Variants in WASHC2C observed in about 807,000 individuals in gnomAD.
WASHC2C encodes the protein WASH complex subunit 2C, also known as Vaccinia Penetration Factor.
In WASHC2C, 73 loss-of-function variants were observed where a neutral mutation model predicts 142.2. The ratio of observed to expected loss-of-function variants is 0.51; its 90% confidence interval spans 0.43 to 0.62. WASHC2C has a LOEUF of 0.62. WASHC2C is among the 20% of genes least tolerant of loss of function. WASHC2C has a pLI of 0.00. For synonymous variants in WASHC2C, 337 were observed against 565.5 expected, an observed-to-expected ratio of 0.60 and a Z score of 5.73; for missense variants, 969 against 1,531.7, an observed-to-expected ratio of 0.63 and a Z score of 6.13.
At chr10:45,784,311 T>TATATAC (rs200659699) in intron 23 of WASHC2C, among the ~76,000 whole-genome samples, 846 of 58,002 alleles carry the variant, frequency 0.015, 18 homozygotes, top group Middle Eastern at 0.033. Flanking sequence ...TATATATATA[T>TATATAC]ACACACACAT....
intron 21 of WASHC2C, among the ~76,000 whole-genome samples, chr10:45,774,253 G>A (rs1425873798): frequency 2.5e-4 from 3 of 12,186 alleles, no homozygotes; most frequent in African/African-American, 1.0e-3. Flanking sequence ...CAGGCTCCCT[G>A]CTGCTGCTTC....
At chr10:45,766,791 A>G (rs1421116483) in intron 19 of WASHC2C, among the ~76,000 whole-genome samples, 1 of 151,934 alleles carries the variant, frequency 6.6e-6, no homozygotes. Context: ...AAGACTTTAA[A>G]TATGATGATA....
rs1368013466 is a variant in WASHC2C at position 45,784,242 on chromosome 10, GTGTGTGTGTGTA to G, written c.2479-321_2479-310del. ...AAAGCTTGTGCATATATATATATATGTGTGTGTGTGTATATATATATATATATATATATATAT... is the reference window on the plus strand; with the variant it reads ...AAAGCTTGTGCATATATATATATATGTATATATATATATATATATATATAT... On this transcript the variant is annotated intron_variant, in intron 23 of 30. Coordinates refer to ENST00000623400, the MANE Select transcript of WASHC2C (RefSeq NM_001330074.2). Among the ~76,000 whole-genome samples, 278 of 38,092 alleles carry G rather than the reference GTGTGTGTGTGTA, an allele frequency of 7.3e-3. 8 individuals carry two copies. The highest frequency in any genetic ancestry group is 0.021 in the African/African-American group (265 of 12,598). 25.0% of individuals were successfully genotyped at this position (38,092 alleles called of 152,430 possible). A position where few individuals can be genotyped will look rare whatever the true frequency, so the allele number is the denominator to read the frequency against.
intron 8 of WASHC2C, among the ~76,000 whole-genome samples, chr10:45,749,614 C>T (rs2053282793): frequency 6.6e-6 from 1 of 151,008 alleles, no homozygotes; most frequent in Admixed American, 6.6e-5. Flanking sequence ...CACCTGAAGT[C>T]AGGAGTTCAA....
intron 4 of WASHC2C, among the ~76,000 whole-genome samples, chr10:45,738,950 G>A (rs187944881): frequency 1.7e-3 from 263 of 152,172 alleles, no homozygotes; most frequent in Non-Finnish European, 1.2e-3. Flanking sequence ...CAAATGATCC[G>A]CCAGCCTTGG....
Position 45,784,236 on chromosome 10 carries a change from ATATATGTGTG to A in WASHC2C, c.2479-327_2479-318del, listed in dbSNP as rs1554888813. 5.7e-5 allele frequency among the ~76,000 whole-genome samples: 4 copies of A among 69,750 alleles called. No individual in the cohort carries two copies. The East Asian group carries it at 3.2e-3, about 55-fold the overall frequency. The allele number at this position is 69,750 out of a possible 152,430, so 45.8% of individuals were successfully genotyped here. A position where few individuals can be genotyped will look rare whatever the true frequency, so the allele number is the denominator to read the frequency against. On this transcript the variant is annotated intron_variant, in intron 23 of 30. Coordinates refer to ENST00000623400, the MANE Select transcript of WASHC2C (RefSeq NM_001330074.2). ...ATCTCTAAAGCTTGTGCATATATAT[ATATATGTGTG>A]TGTGTGTATATATATATATATATAT...
chr10:45,733,801 T>G (rs1554863316), intron 3 of WASHC2C, among the ~76,000 whole-genome samples: 1 of 152,134 alleles, frequency 6.6e-6, no homozygotes, highest in Non-Finnish European at 1.5e-5. Context: ...TAATCCCTGA[T>G]CTTTATAGAG....
intron 4 of WASHC2C, 52 bp downstream of exon 4, chr10:45,738,097 T>G: frequency 6.2e-7 from 1 of 1,611,508 alleles, no homozygotes; most frequent in Non-Finnish European, 8.5e-7. Flanking sequence ...AAAAGTGTGG[T>G]GGAGATCGAT....
At chr10:45,741,280 C>T (rs2052013285) in intron 5 of WASHC2C, among the ~76,000 whole-genome samples, 1 of 152,132 alleles carries the variant, frequency 6.6e-6, no homozygotes, top group African/African-American at 2.4e-5. Flanking sequence ...TGTAGCTGCA[C>T]ATTTCTCTTC....
chr10:45,771,592 G>T, intron 20 of WASHC2C: 2 of 976,974 alleles, frequency 2.0e-6, no homozygotes, highest in South Asian at 4.8e-5. Flanking sequence ...GTGGGTCCTG[G>T]TTCCAGCCAC....
intron 8 of WASHC2C, among the ~76,000 whole-genome samples, chr10:45,748,915 C>A (rs1390427055): frequency 6.6e-6 from 1 of 152,154 alleles, no homozygotes; most frequent in East Asian, 1.9e-4. Context: ...AAGTCTGTTT[C>A]TTTGCTTTTA....
intron 16 of WASHC2C, among the ~76,000 whole-genome samples, chr10:45,758,417 C>G (rs571245655): frequency 6.6e-6 from 1 of 152,236 alleles, no homozygotes; most frequent in African/African-American, 2.4e-5. Context: ...CACTGATGAT[C>G]TTTTCTTGAC....
chr10:45,742,203 T>G (rs1250080214), intron 5 of WASHC2C, among the ~76,000 whole-genome samples: 6 of 151,918 alleles, frequency 3.9e-5, no homozygotes, highest in African/African-American at 1.5e-4. Flanking sequence ...CTGCCCTCAC[T>G]CTGTTTTCTC....
At chr10:45,779,955 A>C (rs1329191811) in intron 23 of WASHC2C, among the ~76,000 whole-genome samples, 1 of 151,056 alleles carries the variant, frequency 6.6e-6, no homozygotes, top group Non-Finnish European at 1.5e-5. Context: ...ACTGCACTCC[A>C]GTGTGGCAAC....
intron 20 of WASHC2C, among the ~76,000 whole-genome samples, chr10:45,770,857 C>A (rs1487105010): frequency 2.6e-5 from 4 of 152,168 alleles, no homozygotes; most frequent in South Asian, 2.1e-4. Context: ...ATAAAAACAG[C>A]ATTTCTCTCA....
chr10:45,775,915 C>T (rs2057037297), intron 21 of WASHC2C, among the ~76,000 whole-genome samples: 1 of 151,956 alleles, frequency 6.6e-6, no homozygotes, highest in South Asian at 2.1e-4. Flanking sequence ...CTCCTGATCT[C>T]ATGATCCGCC....
At chr10:45,754,589 G>GT (rs782088014) in intron 14 of WASHC2C, 44 bp downstream of exon 14, 12 of 1,495,848 alleles carry the variant, frequency 8.0e-6, no homozygotes, top group South Asian at 2.5e-5. Context: ...CACAAATACT[G>GT]TTTTTTGCAT....
At chr10:45,788,111 T>C (rs1430476468) in intron 28 of WASHC2C, among the ~76,000 whole-genome samples, 1 of 151,318 alleles carries the variant, frequency 6.6e-6, no homozygotes, top group Admixed American at 6.6e-5. Context: ...TTTCATTGGC[T>C]TTTTTTTTAT....
rs2057913996 is a variant in WASHC2C at position 45,784,890 on chromosome 10, T to A, written c.2677T>A (p.Ser893Thr). The change falls in exon 25 of 31, where the codon TCC (serine) becomes ACC (threonine). Residue 893 changes from serine (S) to threonine (T), a missense_variant. By Grantham distance (58) the Ser-to-Thr change is moderately conservative. Coordinates refer to ENST00000623400, the MANE Select transcript of WASHC2C (RefSeq NM_001330074.2). Reference sequence around the variant, plus strand: ...TGATGATCTTTTCAGCTCTGCCAAGTCCCAGCCTTTGGTACCAGCCTTTTG... The same window carrying A: ...TGATGATCTTTTCAGCTCTGCCAAGACCCAGCCTTTGGTACCAGCCTTTTG... ...EDDDLFSSAK[S>T]QPLVQEKKRV... is the part of the protein sequence containing the mutation. 6.2e-7 allele frequency: 1 copy of A among 1,608,982 alleles called. No homozygotes were observed. Among genetic ancestry groups the A allele is most frequent in the East Asian group, 2.2e-5 (1 of 44,824 alleles).
Sources: allele counts gnomAD v4.1 joint callset (sites outside exome capture counted in the v4.1 genomes callset), GRCh38; gene constraint gnomAD v4.1.1; transcripts MANE v1.5; gene names NCBI Gene and HGNC (gene_info 2026-07-23, HGNC 2026-07-21).